Variants in ZNF140 observed in about 807,000 individuals in gnomAD.
ZNF140 encodes the protein zinc finger protein 140 (clone pHZ-39).
ZNF140 carries 13 observed loss-of-function variants against 12.9 expected under a neutral mutation model. The observed-to-expected ratio is 1.01, with a 90% CI of 0.66 to 1.60. The LOEUF is 1.60. Among genes scored for constraint, ZNF140 ranks in the 40% most tolerant of loss-of-function variants. The pLI, the probability that ZNF140 is intolerant of heterozygous loss-of-function variation, is 0.00. For missense variants in ZNF140, 531 were observed against 548.8 expected, an observed-to-expected ratio of 0.97 and a Z score of 0.32; for synonymous variants, 214 against 186.7, an observed-to-expected ratio of 1.15 and a Z score of -1.19.
intron 4 of ZNF140, among the ~76,000 whole-genome samples, chr12:133,090,693 C>T (rs1033403969): frequency 3.7e-4 from 55 of 149,428 alleles, no homozygotes; most frequent in Non-Finnish European, 6.5e-4. Flanking sequence ...CCAGCACCGG[C>T]CTCTGAGTTC....
chr12:133,094,636 A>G (rs79720905), intron 4 of ZNF140, among the ~76,000 whole-genome samples: 1 of 151,192 alleles, frequency 6.6e-6, no homozygotes, highest in South Asian at 2.1e-4. Flanking sequence ...TTTTCCTTAG[A>G]GAGCGGCCAC....
chr12:133,106,760 G>C lies in ZNF140; in HGVS notation c.*109G>C. ...GAAGCCTTATGTGAAAGTGATGACT[G>C]TGAAGTAATATGGCCCACACTTTAT... On this transcript the variant is annotated 3_prime_UTR_variant, in exon 5 of 5. Transcript: ENST00000355557. 1 of 1,039,232 alleles carries C rather than the reference G, an allele frequency of 9.6e-7. No individual in the cohort carries two copies. The highest frequency in any genetic ancestry group is 1.3e-6 in the Non-Finnish European group (1 of 742,444). The allele number at this position is 1,039,232 out of a possible 1,614,324, so 64.4% of individuals were successfully genotyped here. A position where few individuals can be genotyped will look rare whatever the true frequency, so the allele number is the denominator to read the frequency against.
Position 133,106,564 on chromosome 12 carries a change from T to TAAAC in ZNF140, c.1289_1292dup (p.His431GlnfsTer9). 2 of 1,613,922 alleles carry TAAAC rather than the reference T, an allele frequency of 1.2e-6. No homozygotes were observed. Among genetic ancestry groups the TAAAC allele is most frequent in the African/African-American group, 2.7e-5 (2 of 75,068 alleles). ...CCTTCAGCTGGAGCTCAAACCTTGC[T>TAAAC]AAACATCAGAGGACACACACTCTTG... On this transcript the variant is annotated frameshift_variant, in exon 5 of 5. Transcript: ENST00000355557. LOFTEE classifies it low-confidence loss of function (END_TRUNC).
At chr12:133,096,010 T>A (rs1365923544) in intron 4 of ZNF140, among the ~76,000 whole-genome samples, 2 of 150,990 alleles carry the variant, frequency 1.3e-5, no homozygotes, top group African/African-American at 2.4e-5. Context: ...GCAAGAGGCT[T>A]TCCTCTTTTA....
chr12:133,086,791 G>C (rs1024447866), intron 4 of ZNF140, among the ~76,000 whole-genome samples: 1 of 151,794 alleles, frequency 6.6e-6, no homozygotes, highest in African/African-American at 2.4e-5. Flanking sequence ...TTCACATTTC[G>C]ATCCATCGTT....
At chr12:133,090,978 A>G (rs1212306102) in intron 4 of ZNF140, among the ~76,000 whole-genome samples, 6 of 148,398 alleles carry the variant, frequency 4.0e-5, no homozygotes, top group Non-Finnish European at 9.0e-5. Flanking sequence ...CTATCTCAGA[A>G]TTGAACAAAT....
At chr12:133,083,668 A>C in intron 4 of ZNF140, 107 bp downstream of exon 4, 2 of 1,073,908 alleles carry the variant, frequency 1.9e-6, no homozygotes, top group South Asian at 3.1e-5. Flanking sequence ...CCTTAAAGAT[A>C]CTAGAGATAC....
intron 4 of ZNF140, among the ~76,000 whole-genome samples, chr12:133,095,940 T>A (rs1440668218): frequency 2.0e-5 from 3 of 151,736 alleles, no homozygotes; most frequent in Non-Finnish European, 2.9e-5. Flanking sequence ...TCGGGTTTTA[T>A]ACCGAGACAT....
At position 133,096,012 on chromosome 12, in the gene ZNF140, C is replaced by T. The variant is rs959713040; in HGVS notation, c.233-9498C>T. On this transcript the variant is annotated intron_variant, in intron 4 of 4. Transcript: ENST00000355557. ...CTCTATCTCAACTGCAAGAGGCTTT[C>T]CTCTTTTACCAATCCACCTCAGCAC... Among the ~76,000 whole-genome samples, 137 of 151,122 alleles carry T rather than the reference C, an allele frequency of 9.1e-4. 3 individuals carry two copies. The highest frequency in any genetic ancestry group is 2.8e-3 in the African/African-American group (117 of 41,292).
At chr12:133,091,092 C>A (rs1291511199) in intron 4 of ZNF140, among the ~76,000 whole-genome samples, 1,995 of 149,280 alleles carry the variant, frequency 0.013, 121 homozygotes, top group African/African-American at 0.046. Context: ...TTTACTCATC[C>A]ATCTCAGCAC....
rs1239490759 is a variant in ZNF140, at chr12:133,106,678, A to C, written c.*27A>C. ...TTTACACTGCAAAGAAAAACTATGA[A>C]TGTATGGAATTTTTTAAAAAGAAGT... On this transcript the variant is annotated 3_prime_UTR_variant, in exon 5 of 5. Transcript: ENST00000355557. The C allele has an allele frequency of 6.6e-7, 1 of 1,513,632 alleles. No individual in the cohort carries two copies. The highest frequency in any genetic ancestry group is 8.8e-7 in the Non-Finnish European group (1 of 1,136,670). The allele number at this position is 1,513,632 out of a possible 1,614,324, so 93.8% of individuals were successfully genotyped here. A position where few individuals can be genotyped will look rare whatever the true frequency, so the allele number is the denominator to read the frequency against.
At chr12:133,094,220 A>G (rs1203822759) in intron 4 of ZNF140, among the ~76,000 whole-genome samples, 1 of 138,928 alleles carries the variant, frequency 7.2e-6, no homozygotes, top group Non-Finnish European at 1.6e-5. Context: ...TCATTGGTTG[A>G]AGAACTTGAG....
At chr12:133,091,740 G>C (rs1954898494) in intron 4 of ZNF140, among the ~76,000 whole-genome samples, 1 of 151,016 alleles carries the variant, frequency 6.6e-6, no homozygotes, top group Non-Finnish European at 1.5e-5. Flanking sequence ...GATTTGTGAG[G>C]CTATCAACAG....
rs1555291953 is a variant in ZNF140 at position 133,081,348 on chromosome 12, A to AAAATATATATAT, written c.9+20_9+21insAATATATATATA. On this transcript the variant is annotated intron_variant, in intron 2 of 4. Coordinates refer to ENST00000355557, the MANE Select transcript of ZNF140 (RefSeq NM_003440.4). ...GTCTCAGGTAAGCTAATGATTGATA[A>AAAATATATATAT]ATATATATATATATATATATATAAA... 1.4e-3 allele frequency: 441 copies of AAAATATATATAT among 318,772 alleles called. 3 individuals carry two copies. Among genetic ancestry groups the AAAATATATATAT allele is most frequent in the Non-Finnish European group, 2.0e-3 (351 of 172,482 alleles). 19.7% of individuals were successfully genotyped at this position (318,772 alleles called of 1,614,324 possible).
Position 133,106,827 on chromosome 12 carries a change from A to G in ZNF140, c.*176A>G, listed in dbSNP as rs2137600083. The G allele has an allele frequency of 2.0e-6, 1 of 498,654 alleles. No homozygotes were observed. Among genetic ancestry groups the G allele is most frequent in the South Asian group, 4.4e-5 (1 of 22,720 alleles). 30.9% of individuals were successfully genotyped at this position (498,654 alleles called of 1,614,324 possible). ...AAAAAAACCCAGGAATATGTGGAAAAGCCATTAATAACCACTCTTTTATTT... is the reference window on the plus strand; with the variant it reads ...AAAAAAACCCAGGAATATGTGGAAAGGCCATTAATAACCACTCTTTTATTT... On this transcript the variant is annotated 3_prime_UTR_variant, in exon 5 of 5. Transcript: ENST00000355557.
chr12:133,087,524 C>CA (rs34656142), intron 4 of ZNF140, among the ~76,000 whole-genome samples: 142,779 of 145,016 alleles, frequency 0.98, 70,302 homozygotes, highest in Middle Eastern at 1. Flanking sequence ...TTTGGCTAGT[C>CA]AAAAAAAAAA....
At chr12:133,095,536 AAAAG>A (rs747506341) in intron 4 of ZNF140, among the ~76,000 whole-genome samples, 1 of 151,666 alleles carries the variant, frequency 6.6e-6, no homozygotes, top group Non-Finnish European at 1.5e-5. Context: ...AGAGACTGAG[AAAAG>A]AAAGAAGACA....
Position 133,098,816 on chromosome 12 carries a change from T to C in ZNF140, c.233-6694T>C, listed in dbSNP as rs906282498. On this transcript the variant is annotated intron_variant, in intron 4 of 4. Coordinates refer to ENST00000355557, the MANE Select transcript of ZNF140 (RefSeq NM_003440.4). ...GCCTCCCGGGTCCAAGCGATTCTCC[T>C]ATCAGCCTCCTGAGTAGCTGGGACT... Among the ~76,000 whole-genome samples the C allele has an allele frequency of 2.6e-4, 40 of 151,866 alleles. No individual in the cohort carries two copies. In the South Asian group the frequency reaches 7.3e-3, roughly 28 times the overall value.
At chr12:133,103,598 T>A (rs1457700829) in intron 4 of ZNF140, among the ~76,000 whole-genome samples, 1 of 152,064 alleles carries the variant, frequency 6.6e-6, no homozygotes, top group African/African-American at 2.4e-5. Context: ...TTTTTTTTAA[T>A]GTCCAGGTTC....
Sources: allele counts gnomAD v4.1 joint callset (sites outside exome capture counted in the v4.1 genomes callset), GRCh38; gene constraint gnomAD v4.1.1; transcripts MANE v1.5; gene names NCBI Gene and HGNC (gene_info 2026-07-23, HGNC 2026-07-21).